LRP1B: variants seen among roughly 807,000 people sequenced by gnomAD.
LRP1B encodes the protein low-density lipoprotein receptor-related protein 1B.
Under a neutral mutation model 556.6 loss-of-function variants are expected in LRP1B, and 217 were observed. The ratio of observed to expected loss-of-function variants is 0.39; its 90% CI spans 0.35 to 0.44. The LOEUF is 0.44. Ranked by LOEUF, LRP1B falls within the 20% of genes least tolerant of loss-of-function variation. LRP1B has a pLI of 1.00. For missense variants in LRP1B, 5,053 were observed against 5,620.8 expected, an observed-to-expected ratio of 0.90 and a Z score of 3.23; for synonymous variants, 2,047 against 1,865.8, an observed-to-expected ratio of 1.10 and a Z score of -2.50.
intron 2 of LRP1B, among the ~76,000 whole-genome samples, chr2:141,499,268 C>A (rs548506834): frequency 6.6e-6 from 1 of 151,988 alleles, no homozygotes; most frequent in Non-Finnish European, 1.5e-5. Flanking sequence ...AATGTCACAG[C>A]GGTTATTTTG....
At chr2:141,289,667 T>G (rs1204146917) in intron 3 of LRP1B, among the ~76,000 whole-genome samples, 1 of 152,150 alleles carries the variant, frequency 6.6e-6, no homozygotes, top group East Asian at 1.9e-4. Context: ...CTTTCTTACA[T>G]GTACATAGTG....
At chr2:141,064,783 A>G (rs1699434172) in intron 7 of LRP1B, among the ~76,000 whole-genome samples, 2 of 151,964 alleles carry the variant, frequency 1.3e-5, no homozygotes, top group African/African-American at 4.8e-5. Context: ...TCTTTAGTGG[A>G]GGCATAGCTG....
At chr2:140,800,363 A>G (rs1423418674) in intron 32 of LRP1B, among the ~76,000 whole-genome samples, 1 of 152,122 alleles carries the variant, frequency 6.6e-6, no homozygotes, top group Non-Finnish European at 1.5e-5. Flanking sequence ...AAGCCTGCAC[A>G]TTGTGCACAT....
chr2:140,828,204 G>A (rs1457678531), intron 31 of LRP1B, among the ~76,000 whole-genome samples: 2 of 152,210 alleles, frequency 1.3e-5, no homozygotes, highest in South Asian at 2.1e-4. Flanking sequence ...CTAAAAGTAA[G>A]TATAAAGACA....
chr2:142,043,415 T>C (rs1056273489), intron 1 of LRP1B, among the ~76,000 whole-genome samples: 13 of 151,544 alleles, frequency 8.6e-5, no homozygotes, highest in African/African-American at 3.1e-4. Flanking sequence ...GAACCTCTAT[T>C]CAAAGGTGAC....
chr2:141,179,501 G>A (rs1335233756), intron 7 of LRP1B, among the ~76,000 whole-genome samples: 1 of 151,914 alleles, frequency 6.6e-6, no homozygotes, highest in African/African-American at 2.4e-5. Flanking sequence ...TTTACCAAAA[G>A]GCACTGCATT....
intron 2 of LRP1B, among the ~76,000 whole-genome samples, chr2:141,641,874 G>T (rs2105365533): frequency 6.6e-6 from 1 of 152,076 alleles, no homozygotes; most frequent in East Asian, 1.9e-4. Context: ...ATTATATATT[G>T]AAATACAGGA....
intron 1 of LRP1B, among the ~76,000 whole-genome samples, chr2:142,099,246 AT>A (rs1382601730): frequency 6.6e-6 from 1 of 151,884 alleles, no homozygotes; most frequent in East Asian, 1.9e-4. Context: ...AGATATTTCA[AT>A]ATACATTCTT....
At chr2:141,970,907 G>T (rs1311245582) in intron 1 of LRP1B, among the ~76,000 whole-genome samples, 1 of 151,498 alleles carries the variant, frequency 6.6e-6, no homozygotes, top group Non-Finnish European at 1.5e-5. Flanking sequence ...TGCTCTCAAA[G>T]ATCTAGCTCT....
chr2:140,262,146 G>A (rs527958982), intron 86 of LRP1B, among the ~76,000 whole-genome samples: 28 of 152,068 alleles, frequency 1.8e-4, no homozygotes, highest in South Asian at 8.3e-4. Context: ...CTACAATGCC[G>A]AAACTTTAGC....
At chr2:141,173,544 A>C (rs564562830) in intron 7 of LRP1B, among the ~76,000 whole-genome samples, 2 of 152,090 alleles carry the variant, frequency 1.3e-5, no homozygotes, top group Non-Finnish European at 2.9e-5. Flanking sequence ...ATGACAAAGC[A>C]AACTTATTTA....
intron 52 of LRP1B, among the ~76,000 whole-genome samples, chr2:140,509,344 C>T (rs113014809): frequency 0.018 from 2,753 of 152,138 alleles, 86 homozygotes; most frequent in African/African-American, 0.063. Flanking sequence ...TGAGTAATGC[C>T]CTGAAAATTT....
intron 59 of LRP1B, 45 bp downstream of exon 59, chr2:140,485,298 G>A: frequency 6.8e-7 from 1 of 1,463,552 alleles, no homozygotes; most frequent in South Asian, 1.2e-5. Context: ...TACTATGAAT[G>A]TAATCCAGTC....
intron 2 of LRP1B, among the ~76,000 whole-genome samples, chr2:141,743,501 C>CTTTTTTTTTTTTT (rs796287062): frequency 5.6e-4 from 67 of 119,002 alleles, no homozygotes; most frequent in Non-Finnish European, 6.9e-4. Context: ...TTTTTTTTTT[C>CTTTTTTTTTTTTT]TTTTTTTTTT....
intron 3 of LRP1B, among the ~76,000 whole-genome samples, chr2:141,288,292 A>T (rs1218704225): frequency 6.6e-6 from 1 of 152,058 alleles, no homozygotes; most frequent in Non-Finnish European, 1.5e-5. Flanking sequence ...AACTAAAAAA[A>T]AAAAATCTTT....
chr2:141,213,076 C>T (rs2105257507), intron 6 of LRP1B, among the ~76,000 whole-genome samples: 1 of 152,072 alleles, frequency 6.6e-6, no homozygotes, highest in South Asian at 2.1e-4. Flanking sequence ...TGGTGTTCCT[C>T]CCACCTCAGC....
chr2:142,104,915 T>G (rs1706693862), intron 1 of LRP1B, among the ~76,000 whole-genome samples: 1 of 152,152 alleles, frequency 6.6e-6, no homozygotes, highest in South Asian at 2.1e-4. Flanking sequence ...TGGTTACATT[T>G]ATTCATCTGT....
intron 2 of LRP1B, among the ~76,000 whole-genome samples, chr2:141,709,108 T>C (rs181388329): frequency 6.6e-6 from 1 of 152,178 alleles, no homozygotes; most frequent in Admixed American, 6.5e-5. Context: ...CACAGTACTT[T>C]GGGAGGCCGA....
At chr2:140,544,492 G>T (rs191389289) in intron 43 of LRP1B, among the ~76,000 whole-genome samples, 67 of 151,978 alleles carry the variant, frequency 4.4e-4, no homozygotes, top group African/African-American at 1.6e-3. Context: ...CCCTCCAGTG[G>T]GTCCCAGTGT....
Sources: gnomAD v4.1 joint callset for allele counts (sites outside exome capture counted in the v4.1 genomes callset) on GRCh38, gnomAD v4.1.1 for gene constraint, MANE v1.5 for transcripts, NCBI Gene and HGNC (gene_info 2026-07-23, HGNC 2026-07-21) for gene names.